Variants in NUDT5 observed in about 807,000 individuals in gnomAD.
The protein encoded by NUDT5 is nudix hydrolase 5.
A neutral mutation model predicts 34.1 loss-of-function variants in NUDT5; 21 were observed. That is an observed-to-expected ratio of 0.62 (90% CI 0.44 to 0.89). The LOEUF is 0.89. Among genes scored for constraint, NUDT5 ranks in the 40% least tolerant of loss-of-function variants. The pLI, the probability that NUDT5 is intolerant of heterozygous loss-of-function variation, is 0.00. For synonymous variants in NUDT5, 85 were observed against 97.6 expected, an observed-to-expected ratio of 0.87 and a Z score of 0.76; for missense variants, 249 against 274.8, an observed-to-expected ratio of 0.91 and a Z score of 0.66.
rs1834763864 is a variant in NUDT5, at chr10:12,168,387, AT to A, written c.551-577del. Among the ~76,000 whole-genome samples the A allele has an allele frequency of 6.6e-6, 1 of 152,190 alleles. No individual in the cohort carries two copies. Among genetic ancestry groups the A allele is most frequent in the Admixed American group, 6.5e-5 (1 of 15,282 alleles). ...TGTATAGAGCCAATCGCTATACCTC[AT>A]TTATAGCTGGGGTAGGGCTTTGCTT... On this transcript the variant is annotated intron_variant, in intron 9 of 9. Transcript: ENST00000491614. The surrounding 1 kb of genome is among the most constrained non-coding windows in gnomAD (Gnocchi z 4.8).
At chr10:12,194,496 T>C (rs1835294753) in intron 1 of NUDT5, among the ~76,000 whole-genome samples, 1 of 152,192 alleles carries the variant, frequency 6.6e-6, no homozygotes, top group Non-Finnish European at 1.5e-5. Flanking sequence ...TGATGAATCA[T>C]GACTGTCCAT....
rs774542733 is a variant in NUDT5, at chr10:12,168,423, C to T, written c.551-612G>A. On this transcript the variant is annotated intron_variant, in intron 9 of 9. Coordinates refer to ENST00000491614, the MANE Select transcript of NUDT5 (RefSeq NM_014142.4). This position sits in a 1 kb window ranked among gnomAD's most constrained non-coding sequence, Gnocchi z 4.8. ...GGGTAGGGCTTTGCTTTTCTGAAACCAGATGGTGATGATTATGTAGGATCT... is the reference window on the plus strand; with the variant it reads ...GGGTAGGGCTTTGCTTTTCTGAAACTAGATGGTGATGATTATGTAGGATCT... Among the ~76,000 whole-genome samples, 1 of 152,158 alleles carries T rather than the reference C, an allele frequency of 6.6e-6. No individual in the cohort carries two copies. Among genetic ancestry groups the T allele is most frequent in the Admixed American group, 6.5e-5 (1 of 15,282 alleles).
chr10:12,188,827 G>A (rs1402916082), intron 1 of NUDT5, among the ~76,000 whole-genome samples: 1 of 151,702 alleles, frequency 6.6e-6, no homozygotes, highest in Non-Finnish European at 1.5e-5. Flanking sequence ...AAAACAGTGA[G>A]GAAGAACACA....
At position 12,184,893 on chromosome 10, in the gene NUDT5, T is replaced by C; in HGVS notation, c.127A>G (p.Thr43Ala). 1 of 1,578,264 alleles carries C rather than the reference T, an allele frequency of 6.3e-7. No homozygotes were observed. Among genetic ancestry groups the C allele is most frequent in the East Asian group, 2.2e-5 (1 of 44,592 alleles). The change falls in exon 3 of 10, where the codon ACT (threonine) becomes GCT (alanine). Residue 43 changes from threonine to alanine, a missense_variant. Thr to Ala is a moderately conservative substitution (Grantham distance 58). Coordinates refer to ENST00000491614, the MANE Select transcript of NUDT5 (RefSeq NM_014142.4). Reference protein sequence around the residue: ...KTTYMDPTGKTRTWESVKRTT... With the variant: ...KTTYMDPTGKARTWESVKRTT... Reference sequence around the variant, plus strand: ...TAAGAAAAAAAAAAAGTTTACCTAGTTTTACCAGTAGGATCCATGTACGTT... The same window carrying C: ...TAAGAAAAAAAAAAAGTTTACCTAGCTTTACCAGTAGGATCCATGTACGTT...
intron 1 of NUDT5, among the ~76,000 whole-genome samples, chr10:12,188,132 A>G (rs923797885): frequency 6.6e-6 from 1 of 151,914 alleles, no homozygotes; most frequent in Non-Finnish European, 1.5e-5. Context: ...TCTCTAACCT[A>G]CCCCACCTAA....
At position 12,170,279 on chromosome 10, in the gene NUDT5, T is replaced by C. The variant is rs1165596592; in HGVS notation, c.550+438A>G. 42 of 1,298,928 alleles carry C rather than the reference T, an allele frequency of 3.2e-5. No individual in the cohort carries two copies. The highest frequency in any genetic ancestry group is 4.3e-5 in the Non-Finnish European group (39 of 905,088). 80.5% of individuals were successfully genotyped at this position (1,298,928 alleles called of 1,614,324 possible). On this transcript the variant is annotated intron_variant, in intron 9 of 9. Transcript: ENST00000491614. This position sits in a 1 kb window ranked among gnomAD's most constrained non-coding sequence, Gnocchi z 4.9. The stretch of plus-strand genomic sequence containing the variant: ...TCACACGGAGTATACAGGAAATACC[T>C]CAAGTATTTGTTGAAGGAGCATCAT...
At chr10:12,193,749 G>T (rs750099151) in intron 1 of NUDT5, among the ~76,000 whole-genome samples, 1 of 152,160 alleles carries the variant, frequency 6.6e-6, no homozygotes, top group African/African-American at 2.4e-5. Context: ...TGAATAAAAG[G>T]TATCTATAAA....
At position 12,172,879 on chromosome 10, in the gene NUDT5, G is replaced by T. The variant is rs765082633; in HGVS notation, c.386-13C>A. The T allele has an allele frequency of 1.9e-6, 3 of 1,584,694 alleles. No individual in the cohort carries two copies. The highest frequency in any genetic ancestry group is 2.6e-6 in the Non-Finnish European group (3 of 1,153,806). On this transcript the variant is annotated splice_polypyrimidine_tract_variant and intron_variant, in intron 6 of 9. Coordinates refer to ENST00000491614, the MANE Select transcript of NUDT5 (RefSeq NM_014142.4). Reference sequence around the variant, plus strand: ...TCCATACAGACCGCTGTGGAGAGAAGGGACAGTCAGATGCGTCAGTCCCTT... The same window carrying T: ...TCCATACAGACCGCTGTGGAGAGAATGGACAGTCAGATGCGTCAGTCCCTT...
At chr10:12,193,934 T>C (rs561632458) in intron 1 of NUDT5, among the ~76,000 whole-genome samples, 1 of 151,842 alleles carries the variant, frequency 6.6e-6, no homozygotes, top group South Asian at 2.1e-4. Context: ...TGGAGTGCAG[T>C]GGCGCGATCT....
intron 5 of NUDT5, among the ~76,000 whole-genome samples, chr10:12,174,265 C>CT (rs199714426): frequency 0.035 from 4,793 of 135,696 alleles, 139 homozygotes; most frequent in African/African-American, 0.081. Context: ...GATTGGAACT[C>CT]TTTTTTTTTT....
rs775921694 is a variant in NUDT5 at position 12,170,942 on chromosome 10, G to A, written c.488-34C>T. 8.1e-6 allele frequency: 13 copies of A among 1,610,108 alleles called. No homozygotes were observed. The Admixed American group carries it at 2.2e-4, about 27-fold the overall frequency. ...AAACAGAAGGAAAACATTTCAGCAA[G>A]GCCTGGAGTGGTAACATCGGAAGAC... On this transcript the variant is annotated intron_variant, in intron 7 of 9. Coordinates refer to ENST00000491614, the MANE Select transcript of NUDT5 (RefSeq NM_014142.4). The surrounding 1 kb of genome is among the most constrained non-coding windows in gnomAD (Gnocchi z 4.9).
chr10:12,187,142 C>T lies in NUDT5; in HGVS notation c.-41-810G>A, dbSNP rs1197196572. 1.3e-5 allele frequency among the ~76,000 whole-genome samples: 2 copies of T among 152,168 alleles called. No homozygotes were observed. Among genetic ancestry groups the T allele is most frequent in the African/African-American group, 4.8e-5 (2 of 41,436 alleles). On this transcript the variant is annotated intron_variant, in intron 1 of 9. Transcript: ENST00000491614. This position sits in a 1 kb window ranked among gnomAD's most constrained non-coding sequence, Gnocchi z 5.4. ...CTACCTCCCAAGCTCACGTGCTCCTCGCATCTCAGCCTCCTGAGTAGCTGG... is the reference window on the plus strand; with the variant it reads ...CTACCTCCCAAGCTCACGTGCTCCTTGCATCTCAGCCTCCTGAGTAGCTGG...
chr10:12,185,418 A>T (rs1835109594), intron 2 of NUDT5, among the ~76,000 whole-genome samples: 1 of 152,176 alleles, frequency 6.6e-6, no homozygotes, highest in South Asian at 2.1e-4. Flanking sequence ...CTGTGGGGAA[A>T]CAGGGTCCAT....
chr10:12,180,839 T>C (rs1835030981), intron 3 of NUDT5, among the ~76,000 whole-genome samples: 1 of 152,192 alleles, frequency 6.6e-6, no homozygotes, highest in African/African-American at 2.4e-5. Context: ...CTAGTCTTCT[T>C]TGTTATGGAA....
chr10:12,167,570 C>T lies in NUDT5; in HGVS notation c.*132G>A. The T allele has an allele frequency of 1.3e-6, 1 of 778,166 alleles. No individual in the cohort carries two copies. Among genetic ancestry groups the T allele is most frequent in the Non-Finnish European group, 2.0e-6 (1 of 490,416 alleles). 48.2% of individuals were successfully genotyped at this position (778,166 alleles called of 1,614,324 possible). On this transcript the variant is annotated 3_prime_UTR_variant, in exon 10 of 10. Coordinates refer to ENST00000491614, the MANE Select transcript of NUDT5 (RefSeq NM_014142.4). Reference sequence around the variant, plus strand: ...TGTAATTACAATTCCATACCACCACCACATCTGTTCTGTGCTTTTATTTTA... The same window carrying T: ...TGTAATTACAATTCCATACCACCACTACATCTGTTCTGTGCTTTTATTTTA...
rs1171488090 is a variant in NUDT5 at position 12,182,693 on chromosome 10, G to C, written c.131+2196C>G. Among the ~76,000 whole-genome samples the C allele has an allele frequency of 6.6e-6, 1 of 152,164 alleles. No homozygotes were observed. The highest frequency in any genetic ancestry group is 1.5e-5 in the Non-Finnish European group (1 of 68,042). ...ATTAGGAAATGCAGGAAGGGCAGAA[G>C]ACCAGTCAGGCGAAGAGATGAGCTG... is the stretch of plus-strand genomic sequence containing the variant. On this transcript the variant is annotated intron_variant, in intron 3 of 9. Transcript: ENST00000491614. This position sits in a 1 kb window ranked among gnomAD's most constrained non-coding sequence, Gnocchi z 4.3.
rs1296844228 is a variant in NUDT5, at chr10:12,170,537, A to G, written c.550+180T>C. 2 of 676,730 alleles carry G rather than the reference A, an allele frequency of 3.0e-6. No homozygotes were observed. Among genetic ancestry groups the G allele is most frequent in the Non-Finnish European group, 5.1e-6 (2 of 389,908 alleles). 41.9% of individuals were successfully genotyped at this position (676,730 alleles called of 1,614,324 possible). ...CAGAATGCTTTGCTCTTATTTTCAA[A>G]CTCTGTGCCACCCAGAAAGGAAAAT... On this transcript the variant is annotated intron_variant, in intron 9 of 9. Coordinates refer to ENST00000491614, the MANE Select transcript of NUDT5 (RefSeq NM_014142.4). The surrounding 1 kb of genome is among the most constrained non-coding windows in gnomAD (Gnocchi z 4.9).
chr10:12,194,418 C>T (rs1033496188), intron 1 of NUDT5, among the ~76,000 whole-genome samples: 1 of 152,250 alleles, frequency 6.6e-6, no homozygotes, highest in African/African-American at 2.4e-5. Context: ...ACCCTCCAGA[C>T]ATATATACAA....
chr10:12,182,312 C>T lies in NUDT5; in HGVS notation c.131+2577G>A, dbSNP rs751023064. Among the ~76,000 whole-genome samples, 5 of 152,142 alleles carry T rather than the reference C, an allele frequency of 3.3e-5. No homozygotes were observed. The highest frequency in any genetic ancestry group is 7.4e-5 in the Non-Finnish European group (5 of 68,024). On this transcript the variant is annotated intron_variant, in intron 3 of 9. Transcript: ENST00000491614. This position sits in a 1 kb window ranked among gnomAD's most constrained non-coding sequence, Gnocchi z 4.3. ...GGCAATGAAAAGGTTTTGGATTTTGCAGCATTTTGAATTTCAGATTTTCAG... is the reference window on the plus strand; with the variant it reads ...GGCAATGAAAAGGTTTTGGATTTTGTAGCATTTTGAATTTCAGATTTTCAG...
Sources: allele counts gnomAD v4.1 joint callset (sites outside exome capture counted in the v4.1 genomes callset), GRCh38; gene constraint gnomAD v4.1.1; non-coding constraint Gnocchi (gnomAD v3.1); transcripts MANE v1.5; gene names NCBI Gene and HGNC (gene_info 2026-07-23, HGNC 2026-07-21).